Variants in PPP2R3A observed in about 807,000 individuals in gnomAD.
PPP2R3A encodes the protein protein phosphatase 2 regulatory subunit B''alpha.
In PPP2R3A, 80 loss-of-function variants were observed where a neutral mutation model predicts 106.9. The observed-to-expected ratio is 0.75, with a 90% CI of 0.62 to 0.90. PPP2R3A has a LOEUF of 0.90. Among genes scored for constraint, PPP2R3A ranks in the 40% least tolerant of loss-of-function variants. The pLI is 0.00. For synonymous variants in PPP2R3A, 483 were observed against 468.3 expected (o/e 1.03, Z -0.41); for missense variants, 1,386 against 1,350.4 (o/e 1.03, Z -0.41).
At chr3:136,051,392 C>T (rs971899391) in intron 5 of PPP2R3A, among the ~76,000 whole-genome samples, 65 of 152,220 alleles carry the variant, frequency 4.3e-4, no homozygotes, top group African/African-American at 1.3e-3. Context: ...TGCAATGGTG[C>T]GATCTTGGCT....
intron 2 of PPP2R3A, among the ~76,000 whole-genome samples, chr3:136,021,539 CAG>C (rs1934465822): frequency 6.6e-6 from 1 of 152,046 alleles, no homozygotes; most frequent in Admixed American, 6.6e-5. Flanking sequence ...TTGTAGGAAA[CAG>C]TGGAAAACCA....
intron 1 of PPP2R3A, among the ~76,000 whole-genome samples, chr3:135,992,213 C>T (rs955377199): frequency 6.6e-6 from 1 of 152,064 alleles, no homozygotes; most frequent in Non-Finnish European, 1.5e-5. Context: ...GTCATCCACC[C>T]AAGATTGCCT....
rs190181223 is a variant in PPP2R3A at position 136,098,713 on chromosome 3, C to T, written c.2928-3294C>T. Among the ~76,000 whole-genome samples the T allele has an allele frequency of 2.0e-4, 30 of 152,274 alleles. 1 individual carries two copies. Among genetic ancestry groups the T allele is most frequent in the Admixed American group, 2.0e-4 (3 of 15,288 alleles). The stretch of plus-strand genomic sequence containing the variant: ...CTGGAAAGCAAATAAACATAGCAGA[C>T]TGCCTGAATCCTAAGCCAGCTGAGG... On this transcript the variant is annotated intron_variant, in intron 10 of 13. Coordinates refer to ENST00000264977, the MANE Select transcript of PPP2R3A (RefSeq NM_002718.5).
rs765746721 is a variant in PPP2R3A at position 136,049,327 on chromosome 3, C to G, written c.2435C>G (p.Ser812Cys). The G allele has an allele frequency of 1.2e-6, 2 of 1,613,442 alleles. No homozygotes were observed. Among genetic ancestry groups the G allele is most frequent in the African/African-American group, 1.3e-5 (1 of 74,926 alleles). The change falls in exon 5 of 14, where the codon TCT becomes TGT. Residue 812 changes from serine (S) to cysteine (C), a missense_variant. By Grantham distance (112) the Ser-to-Cys change is moderately radical (BLOSUM62 -1). Transcript: ENST00000264977. ...CTTCTAGCAAAGCCCAACTGCAGCT[C>G]TCTAGAACAGGAGGATTTCATCCCT... ...ICLLAKPNCSSLEQEDFIPLL... is the reference protein window; with the variant it reads ...ICLLAKPNCSCLEQEDFIPLL...
chr3:136,056,556 AC>A (rs1319700627), intron 5 of PPP2R3A, among the ~76,000 whole-genome samples: 1 of 152,142 alleles, frequency 6.6e-6, no homozygotes, highest in Non-Finnish European at 1.5e-5. Flanking sequence ...GTAAAACAAA[AC>A]CTTTATCTTA....
intron 13 of PPP2R3A, among the ~76,000 whole-genome samples, chr3:136,134,550 A>G (rs576905218): frequency 6.6e-6 from 1 of 152,330 alleles, no homozygotes; most frequent in Non-Finnish European, 1.5e-5. Context: ...AAAAATCCAG[A>G]TTACAAAATT....
chr3:135,970,035 C>T (rs1937200073), intron 1 of PPP2R3A, among the ~76,000 whole-genome samples: 1 of 152,188 alleles, frequency 6.6e-6, no homozygotes, highest in African/African-American at 2.4e-5. Context: ...CTTGGTTGCA[C>T]ATTGGAATCA....
chr3:136,020,184 C>A (rs1304744713), intron 2 of PPP2R3A, among the ~76,000 whole-genome samples: 1 of 152,062 alleles, frequency 6.6e-6, no homozygotes. Flanking sequence ...GATCAAGTTA[C>A]AAAATATTAC....
intron 13 of PPP2R3A, among the ~76,000 whole-genome samples, chr3:136,137,782 CCGCCCACCT>C (rs1938686852): frequency 6.6e-6 from 1 of 151,966 alleles, no homozygotes. Flanking sequence ...ACCTCGTGAT[CCGCCCACCT>C]GGGCCTCCCA....
chr3:136,018,980 A>G (rs919771627), intron 2 of PPP2R3A, among the ~76,000 whole-genome samples: 8 of 152,210 alleles, frequency 5.3e-5, no homozygotes, highest in African/African-American at 1.9e-4. Context: ...CAAATTAACA[A>G]CTGATGTGTT....
At chr3:136,115,550 C>T (rs781187439) in intron 13 of PPP2R3A, among the ~76,000 whole-genome samples, 1 of 151,778 alleles carries the variant, frequency 6.6e-6, no homozygotes, top group Non-Finnish European at 1.5e-5. Context: ...TAAAGAACAA[C>T]ATAAATGACC....
intron 2 of PPP2R3A, among the ~76,000 whole-genome samples, chr3:136,012,972 G>A (rs778122438): frequency 4.6e-5 from 7 of 151,868 alleles, no homozygotes; most frequent in Non-Finnish European, 8.8e-5. Flanking sequence ...CCAAGTCCCC[G>A]AAGTCCATTC....
chr3:135,996,263 G>A (rs942470314), intron 1 of PPP2R3A, among the ~76,000 whole-genome samples: 4 of 152,196 alleles, frequency 2.6e-5, no homozygotes, highest in African/African-American at 9.6e-5. Flanking sequence ...TTTAAAGGCT[G>A]CTGCTTTGTA....
intron 13 of PPP2R3A, among the ~76,000 whole-genome samples, chr3:136,124,805 T>C (rs2108006484): frequency 6.6e-6 from 1 of 151,986 alleles, no homozygotes. Context: ...GTATCAGGAA[T>C]GGAAGAGGAA....
intron 1 of PPP2R3A, among the ~76,000 whole-genome samples, chr3:135,979,963 C>A (rs1312611335): frequency 6.6e-6 from 1 of 151,874 alleles, no homozygotes; most frequent in Non-Finnish European, 1.5e-5. Flanking sequence ...TTAAAATACT[C>A]AGGGAACACG....
At chr3:135,966,030 T>C (rs532874299) in intron 1 of PPP2R3A, among the ~76,000 whole-genome samples, 181 bp downstream of exon 1, 1 of 151,848 alleles carries the variant, frequency 6.6e-6, no homozygotes, top group South Asian at 2.1e-4. Flanking sequence ...GAAGTCGGAA[T>C]TCCAGTCGGT....
At chr3:136,030,319 G>GTTTGTT (rs1553745282) in intron 3 of PPP2R3A, among the ~76,000 whole-genome samples, 20 of 151,140 alleles carry the variant, frequency 1.3e-4, no homozygotes, top group South Asian at 4.2e-4. Flanking sequence ...GTGTCAGTTT[G>GTTTGTT]TTTTTTTTGC....
intron 13 of PPP2R3A, among the ~76,000 whole-genome samples, chr3:136,119,682 T>C (rs906063219): frequency 7.2e-5 from 11 of 152,186 alleles, no homozygotes; most frequent in African/African-American, 2.7e-4. Context: ...CCAGTTAGAA[T>C]GGCAATCATT....
At chr3:136,011,248 C>T (rs1386913898) in intron 2 of PPP2R3A, among the ~76,000 whole-genome samples, 1 of 152,036 alleles carries the variant, frequency 6.6e-6, no homozygotes, top group Non-Finnish European at 1.5e-5. Flanking sequence ...ACTTATCACC[C>T]CCTGATATAT....
Sources: gnomAD v4.1 joint callset for allele counts (sites outside exome capture counted in the v4.1 genomes callset) on GRCh38, gnomAD v4.1.1 for gene constraint, MANE v1.5 for transcripts, NCBI Gene and HGNC (gene_info 2026-07-23, HGNC 2026-07-21) for gene names.